RNF139: variants seen among roughly 807,000 people sequenced by gnomAD.
The protein encoded by RNF139 is E3 ubiquitin-protein ligase RNF139.
Under a neutral mutation model 49.5 loss-of-function variants are expected in RNF139, and 15 were observed. The ratio of observed to expected loss-of-function variants is 0.30; its 90% confidence interval spans 0.20 to 0.47. The LOEUF (loss-of-function observed/expected upper bound fraction) is 0.47. Ranked by LOEUF, RNF139 falls within the 20% of genes least tolerant of loss-of-function variation. The pLI, the probability that RNF139 is intolerant of heterozygous loss-of-function variation, is 1.00. For missense variants in RNF139, 619 were observed against 806.3 expected (o/e 0.77, Z 2.81); for synonymous variants, 325 against 300.9 (o/e 1.08, Z -0.83).
At chr8:124,482,882 C>T (rs376018281) in intron 1 of RNF139, among the ~76,000 whole-genome samples, 1 of 141,106 alleles carries the variant, frequency 7.1e-6, no homozygotes, top group Admixed American at 7.6e-5. Flanking sequence ...GCCAAGATCA[C>T]GCCATTGCAC....
chr8:124,476,615 T>G (rs1816320148), intron 1 of RNF139, among the ~76,000 whole-genome samples: 1 of 152,250 alleles, frequency 6.6e-6, no homozygotes. Context: ...GTAACCCACC[T>G]GCTACCTAAT....
At chr8:124,481,890 TTTGG>T (rs1816417681) in intron 1 of RNF139, among the ~76,000 whole-genome samples, 6 of 152,148 alleles carry the variant, frequency 3.9e-5, no homozygotes, top group Non-Finnish European at 8.8e-5. Context: ...AGATGATTAC[TTTGG>T]AGACTTGTTA....
At position 124,488,436 on chromosome 8, in the gene RNF139, T is replaced by C. The variant is rs1004573052; in HGVS notation, c.*792T>C. On this transcript the variant is annotated 3_prime_UTR_variant, in exon 2 of 2. Coordinates refer to ENST00000303545, the MANE Select transcript of RNF139 (RefSeq NM_007218.4). ...TCAATGATATAAAAACATCCTGATC[T>C]GATTTTACGAGAAAAAGAAGGGGAA... 2 of 474,450 alleles carry C rather than the reference T, an allele frequency of 4.2e-6. No homozygotes were observed. Among genetic ancestry groups the C allele is most frequent in the African/African-American group, 2.0e-5 (1 of 48,912 alleles). 29.4% of individuals were successfully genotyped at this position (474,450 alleles called of 1,614,324 possible). A position where few individuals can be genotyped will look rare whatever the true frequency, so the allele number is the denominator to read the frequency against.
Position 124,480,820 on chromosome 8 carries a change from CCAGTCATCTGATTATTGTACAAAA to C in RNF139, c.182-5002_182-4979del, listed in dbSNP as rs541856008. On this transcript the variant is annotated intron_variant, in intron 1 of 1. Coordinates refer to ENST00000303545, the MANE Select transcript of RNF139 (RefSeq NM_007218.4). Reference sequence around the variant, plus strand: ...GAAGCTATCTAGGGGCCCCCAGGCACCAGTCATCTGATTATTGTACAAAACAGTCATCACTCCAGAGATTCCAAG... The same window carrying C: ...GAAGCTATCTAGGGGCCCCCAGGCACCAGTCATCACTCCAGAGATTCCAAG... Among the ~76,000 whole-genome samples the C allele has an allele frequency of 4.3e-3, 660 of 152,092 alleles. 6 individuals carry two copies. Among genetic ancestry groups the C allele is most frequent in the African/African-American group, 0.015 (640 of 41,472 alleles).
In RNF139 at chr8:124,483,051, ATC is replaced by A. The variant is rs1384249788; in HGVS notation, c.182-2778_182-2777del. On this transcript the variant is annotated intron_variant, in intron 1 of 1. Coordinates refer to ENST00000303545, the MANE Select transcript of RNF139 (RefSeq NM_007218.4). The stretch of plus-strand genomic sequence containing the variant: ...TAAATATATATATATTTAAAAATAT[ATC>A]TATTAAAAATATATATATATTATTT... 7.6e-5 allele frequency among the ~76,000 whole-genome samples: 3 copies of A among 39,402 alleles called. 1 individual carries two copies. The highest frequency in any genetic ancestry group is 1.2e-4 in the Non-Finnish European group (3 of 24,346). 25.8% of individuals were successfully genotyped at this position (39,402 alleles called of 152,430 possible).
chr8:124,478,633 T>G (rs927796252), intron 1 of RNF139, among the ~76,000 whole-genome samples: 11 of 151,522 alleles, frequency 7.3e-5, no homozygotes, highest in Admixed American at 6.6e-4. Context: ...CAAAAAAAAT[T>G]TATCAGATTG....
chr8:124,485,738 A>G, intron 1 of RNF139, 93 bp from the exon 2 acceptor site: 1 of 1,074,612 alleles, frequency 9.3e-7, no homozygotes, highest in Non-Finnish European at 1.3e-6. Flanking sequence ...AAATATTCAT[A>G]TTTCCTAATT....
intron 1 of RNF139, among the ~76,000 whole-genome samples, chr8:124,477,330 T>A (rs574621202): frequency 6.6e-6 from 1 of 152,324 alleles, no homozygotes; most frequent in South Asian, 2.1e-4. Context: ...GCTAAAAAAT[T>A]ATGTTACTAA....
intron 1 of RNF139, among the ~76,000 whole-genome samples, chr8:124,477,432 A>T (rs535824727): frequency 1.3e-5 from 2 of 152,224 alleles, no homozygotes; most frequent in Non-Finnish European, 2.9e-5. Flanking sequence ...ACTTCTCAGT[A>T]CTACTGTGTA....
At position 124,487,545 on chromosome 8, in the gene RNF139, T is replaced by C. The variant is rs1816559949; in HGVS notation, c.1896T>C (p.Asp632=). The change falls in exon 2 of 2, where the codon GAT becomes GAC. Residue 632 remains aspartate (D), a synonymous_variant. Transcript: ENST00000303545. ...AATCTGACAGGGAATTGAACGAAGA[T>C]GACAGTACAGATTGTGATGATGATG... The part of the protein sequence containing the change: ...AAESDRELNE[D]DSTDCDDDVQ... 1 of 1,614,008 alleles carries C rather than the reference T, an allele frequency of 6.2e-7. No individual in the cohort carries two copies. Among genetic ancestry groups the C allele is most frequent in the African/African-American group, 1.3e-5 (1 of 74,930 alleles).
rs1229693291 is a variant in RNF139, at chr8:124,483,038, TA to T, written c.182-2792del. 4.4e-5 allele frequency among the ~76,000 whole-genome samples: 4 copies of T among 91,612 alleles called. 1 individual carries two copies. In the South Asian group the frequency reaches 1.0e-3, roughly 23 times the overall value. 60.1% of individuals were successfully genotyped at this position (91,612 alleles called of 152,430 possible). A position where few individuals can be genotyped will look rare whatever the true frequency, so the allele number is the denominator to read the frequency against. On this transcript the variant is annotated intron_variant, in intron 1 of 1. Coordinates refer to ENST00000303545, the MANE Select transcript of RNF139 (RefSeq NM_007218.4). ...ATATATATATATTTAAATATATATATATTTAAAAATATATCTATTAAAAATA... is the reference window on the plus strand; with the variant it reads ...ATATATATATATTTAAATATATATATTTTAAAAATATATCTATTAAAAATA...
rs1313078233 is a variant in RNF139 at position 124,474,964 on chromosome 8, G to A, written c.-146G>A. 5 of 446,114 alleles carry A rather than the reference G, an allele frequency of 1.1e-5. No individual in the cohort carries two copies. Among genetic ancestry groups the A allele is most frequent in the African/African-American group, 8.3e-5 (4 of 48,332 alleles). 27.6% of individuals were successfully genotyped at this position (446,114 alleles called of 1,614,324 possible). A position where few individuals can be genotyped will look rare whatever the true frequency, so the allele number is the denominator to read the frequency against. ...GCTCCACCTCGAGGGACGCGAGCGG[G>A]CGGCGGGGCTGGCCGTGAGAGAGAC... On this transcript the variant is annotated 5_prime_UTR_variant, in exon 1 of 2. Coordinates refer to ENST00000303545, the MANE Select transcript of RNF139 (RefSeq NM_007218.4). This position sits in a 1 kb window ranked among gnomAD's most constrained non-coding sequence, Gnocchi z 4.6.
At chr8:124,480,183 G>A (rs1310356719) in intron 1 of RNF139, among the ~76,000 whole-genome samples, 3 of 151,402 alleles carry the variant, frequency 2.0e-5, no homozygotes, top group East Asian at 2.0e-4. Flanking sequence ...TTACCTAGAT[G>A]TATATGTAAA....
intron 1 of RNF139, among the ~76,000 whole-genome samples, chr8:124,482,601 G>GT (rs1423973381): frequency 1.3e-5 from 2 of 151,894 alleles, no homozygotes; most frequent in South Asian, 4.1e-4. Context: ...CCATTTTCTT[G>GT]TTACCTTCCA....
At chr8:124,477,438 G>C (rs1384832830) in intron 1 of RNF139, among the ~76,000 whole-genome samples, 1 of 152,154 alleles carries the variant, frequency 6.6e-6, no homozygotes, top group Non-Finnish European at 1.5e-5. Flanking sequence ...CAGTACTACT[G>C]TGTATAAGTC....
Position 124,482,947 on chromosome 8 carries a change from T to A in RNF139, c.182-2884T>A, listed in dbSNP as rs1183001562. On this transcript the variant is annotated intron_variant, in intron 1 of 1. Coordinates refer to ENST00000303545, the MANE Select transcript of RNF139 (RefSeq NM_007218.4). The stretch of plus-strand genomic sequence containing the variant: ...ATTAAAAAAAATATAAAAAAAAATA[T>A]ATATATATATAATATATATATATTA... Among the ~76,000 whole-genome samples, 446 of 98,358 alleles carry A rather than the reference T, an allele frequency of 4.5e-3. 15 individuals are homozygous for A. Among genetic ancestry groups the A allele is most frequent in the African/African-American group, 0.011 (302 of 26,318 alleles). 64.5% of individuals were successfully genotyped at this position (98,358 alleles called of 152,430 possible). A position where few individuals can be genotyped will look rare whatever the true frequency, so the allele number is the denominator to read the frequency against.
chr8:124,477,316 C>T (rs1816329865), intron 1 of RNF139, among the ~76,000 whole-genome samples: 1 of 152,094 alleles, frequency 6.6e-6, no homozygotes, highest in South Asian at 2.1e-4. Flanking sequence ...AAACTGATTT[C>T]GGTGCTAAAA....
At chr8:124,478,380 GC>G (rs1248927931) in intron 1 of RNF139, among the ~76,000 whole-genome samples, 1 of 152,038 alleles carries the variant, frequency 6.6e-6, no homozygotes, top group Admixed American at 6.6e-5. Flanking sequence ...ACTTTGGGAG[GC>G]TGAGGCAGGC....
chr8:124,475,427 C>A, intron 1 of RNF139, 137 bp downstream of exon 1: 1 of 886,000 alleles, frequency 1.1e-6, no homozygotes, highest in Admixed American at 2.7e-5. Flanking sequence ...AAAGGGTCGT[C>A]TTTACGGGTT....
Sources: allele counts gnomAD v4.1 joint callset (sites outside exome capture counted in the v4.1 genomes callset), GRCh38; gene constraint gnomAD v4.1.1; non-coding constraint Gnocchi (gnomAD v3.1); transcripts MANE v1.5; gene names NCBI Gene and HGNC (gene_info 2026-07-23, HGNC 2026-07-21).